The following PEBP4 variants were observed in gnomAD, a reference collection of about 807,000 sequenced individuals.
PEBP4 encodes phosphatidylethanolamine-binding protein 4.
In PEBP4, 22 loss-of-function variants were observed where a neutral mutation model predicts 23.9. The observed-to-expected ratio is 0.92, with a 90% CI of 0.66 to 1.31. PEBP4 has a LOEUF of 1.31. PEBP4 is among the 40% of genes most tolerant of loss of function. The pLI, the probability that PEBP4 is intolerant of heterozygous loss-of-function variation, is 0.00. For missense variants in PEBP4, 324 were observed against 281.7 expected, an observed-to-expected ratio of 1.15 and a Z score of -1.07; for synonymous variants, 112 against 99.3, an observed-to-expected ratio of 1.13 and a Z score of -0.76.
At chr8:22,924,514 T>C (rs1809282235) in intron 2 of PEBP4, 2 of 320,302 alleles carry the variant, frequency 6.2e-6, no homozygotes, top group Non-Finnish European at 9.0e-6. Flanking sequence ...ACAAAGAAGA[T>C]GAGAAACTAG....
At chr8:22,724,992 A>C in intron 5 of PEBP4, 36 bp from the exon 6 acceptor site, 11 of 1,545,172 alleles carry the variant, frequency 7.1e-6, no homozygotes, top group Non-Finnish European at 9.8e-6. Flanking sequence ...GAGCATCAAC[A>C]TCCCATACTA....
At chr8:22,725,943 C>T (rs1397850746) in intron 5 of PEBP4, among the ~76,000 whole-genome samples, 2 of 151,958 alleles carry the variant, frequency 1.3e-5, no homozygotes, top group Admixed American at 6.6e-5. Context: ...TGCCAACAAC[C>T]GGGGAATTCC....
intron 3 of PEBP4, chr8:22,897,733 G>A (rs1808617756): frequency 6.6e-6 from 1 of 151,982 alleles, no homozygotes; most frequent in Admixed American, 6.6e-5. Flanking sequence ...CAGATCAGAG[G>A]CCCTGAGCTC....
chr8:22,831,781 G>A (rs1807087717), intron 3 of PEBP4, among the ~76,000 whole-genome samples: 1 of 152,170 alleles, frequency 6.6e-6, no homozygotes, highest in Admixed American at 6.5e-5. Context: ...AGGAGGGAAG[G>A]CCATGCCTGG....
At chr8:22,905,037 T>TAATGA (rs1808784118) in intron 3 of PEBP4, among the ~76,000 whole-genome samples, 1 of 152,242 alleles carries the variant, frequency 6.6e-6, no homozygotes, top group Non-Finnish European at 1.5e-5. Context: ...ATGGACATGC[T>TAATGA]AATGACTTTG....
intron 6 of PEBP4, among the ~76,000 whole-genome samples, chr8:22,714,717 T>C (rs1021469190): frequency 2.6e-5 from 4 of 151,964 alleles, no homozygotes; most frequent in African/African-American, 9.7e-5. Context: ...AGAACCCCAC[T>C]TGAGACTCAC....
chr8:22,872,276 AGAGTT>A (rs1248479040), intron 3 of PEBP4, among the ~76,000 whole-genome samples: 4 of 152,338 alleles, frequency 2.6e-5, no homozygotes, highest in East Asian at 1.9e-4. Flanking sequence ...CATTGTCAGT[AGAGTT>A]AAGTCATGTG....
chr8:22,919,733 C>T (rs1473416153), intron 3 of PEBP4, among the ~76,000 whole-genome samples: 1 of 152,242 alleles, frequency 6.6e-6, no homozygotes, highest in East Asian at 1.9e-4. Flanking sequence ...TTGGGAAGCT[C>T]TGTCTTGGTA....
chr8:22,884,476 C>T (rs571825796), intron 3 of PEBP4: 1 of 152,298 alleles, frequency 6.6e-6, no homozygotes, highest in African/African-American at 2.4e-5. Flanking sequence ...GCACGGTTCA[C>T]CTGGCTATTA....
intron 3 of PEBP4, among the ~76,000 whole-genome samples, chr8:22,842,880 T>G (rs760824016): frequency 1.3e-5 from 2 of 152,192 alleles, no homozygotes; most frequent in African/African-American, 2.4e-5. Context: ...CAGGCTGGAG[T>G]GCAGTGGCGC....
chr8:22,924,566 G>T lies in PEBP4; in HGVS notation c.131+3018C>A, dbSNP rs867318287. ...CGTGGATCCGCACTACAACAGGTAG[G>T]GTTGGTGTTCAAGAAGAGCAGCAGG... is the stretch of plus-strand genomic sequence containing the variant. On this transcript the variant is annotated intron_variant, in intron 2 of 6. Transcript: ENST00000256404. 3.6e-5 allele frequency: 25 copies of T among 697,972 alleles called. No homozygotes were observed. The Middle Eastern group carries it at 2.8e-3, about 79-fold the overall frequency. The allele number at this position is 697,972 out of a possible 1,614,324, so 43.2% of individuals were successfully genotyped here.
Position 22,726,043 on chromosome 8 carries a change from G to A in PEBP4, c.404-1087C>T, listed in dbSNP as rs1031511185. Among the ~76,000 whole-genome samples the A allele has an allele frequency of 2.7e-5, 4 of 148,286 alleles. No individual in the cohort carries two copies. In the South Asian group the frequency reaches 6.6e-4, roughly 24 times the overall value. ...TGTGTGTGTGTGTGCACGCGCATGT[G>A]CACTCAGAGTGAGAGCAGAGCTGGG... On this transcript the variant is annotated intron_variant, in intron 5 of 6. Coordinates refer to ENST00000256404, the MANE Select transcript of PEBP4 (RefSeq NM_144962.3).
At chr8:22,929,844 G>T (rs1809427307), upstream of PEBP4, among the ~76,000 whole-genome samples, 1 of 152,144 alleles carries the variant, frequency 6.6e-6, no homozygotes, top group African/African-American at 2.4e-5. Context: ...AAGTAGCTGG[G>T]AGTACAGGCA....
chr8:22,785,838 G>A (rs1019924918), intron 4 of PEBP4, among the ~76,000 whole-genome samples: 1 of 152,174 alleles, frequency 6.6e-6, no homozygotes, highest in African/African-American at 2.4e-5. Flanking sequence ...TGCATTTTCT[G>A]GGCTTTGCTG....
At chr8:22,733,481 A>T (rs1432439502) in intron 4 of PEBP4, among the ~76,000 whole-genome samples, 1 of 151,922 alleles carries the variant, frequency 6.6e-6, no homozygotes, top group East Asian at 1.9e-4. Flanking sequence ...GAGTGTGGGG[A>T]AGGGGTCTGA....
chr8:22,759,809 A>G lies in PEBP4; in HGVS notation c.358-32589T>C, dbSNP rs535235160. On this transcript the variant is annotated intron_variant, in intron 4 of 6. Transcript: ENST00000256404. ...TCTCATGGCTGGTTCCGAAGGGCTC[A>G]ACTGGGAACAGCCTCCCAGGCTGCA... 3.9e-5 allele frequency among the ~76,000 whole-genome samples: 6 copies of G among 152,276 alleles called. No homozygotes were observed. In the South Asian group the frequency reaches 1.2e-3, roughly 32 times the overall value.
At position 22,733,609 on chromosome 8, in the gene PEBP4, G is replaced by A. The variant is rs113949581; in HGVS notation, c.358-6389C>T. Among the ~76,000 whole-genome samples, 547 of 152,250 alleles carry A rather than the reference G, an allele frequency of 3.6e-3. 4 individuals are homozygous for A. Among genetic ancestry groups the A allele is most frequent in the African/African-American group, 0.012 (516 of 41,528 alleles). On this transcript the variant is annotated intron_variant, in intron 4 of 6. Coordinates refer to ENST00000256404, the MANE Select transcript of PEBP4 (RefSeq NM_144962.3). ...AAGGCCCCAGATACTCAGGCTCGTG[G>A]TGCCTCAGAGCAAAGGGTCAGTCGC...
intron 3 of PEBP4, among the ~76,000 whole-genome samples, chr8:22,836,561 A>G (rs889615426): frequency 6.6e-6 from 1 of 152,184 alleles, no homozygotes; most frequent in Admixed American, 6.5e-5. Context: ...GTCCCTCTAG[A>G]GCATCTGCCC....
intron 3 of PEBP4, among the ~76,000 whole-genome samples, chr8:22,870,963 C>G (rs1478548272): frequency 6.6e-6 from 1 of 152,154 alleles, no homozygotes; most frequent in Non-Finnish European, 1.5e-5. Flanking sequence ...AGGGAACGTT[C>G]TGGAGGATCC....
Sources: gnomAD v4.1 joint callset for allele counts (sites outside exome capture counted in the v4.1 genomes callset) on GRCh38, gnomAD v4.1.1 for gene constraint, MANE v1.5 for transcripts, NCBI Gene and HGNC (gene_info 2026-07-23, HGNC 2026-07-21) for gene names.